The following PPARGC1A variants were observed in gnomAD, a reference collection of about 807,000 sequenced individuals.
The protein encoded by PPARGC1A is peroxisome proliferator-activated receptor gamma coactivator 1-alpha.
PPARGC1A carries 25 observed loss-of-function variants against 88.7 expected under a neutral mutation model. That is an observed-to-expected ratio of 0.28 (90% CI 0.21 to 0.39). The LOEUF (loss-of-function observed/expected upper bound fraction) is 0.39, where lower values mean the gene tolerates loss of function less well. Ranked by LOEUF, PPARGC1A falls within the 10% of genes least tolerant of loss-of-function variation. The pLI, the probability that PPARGC1A is intolerant of heterozygous loss-of-function variation, is 1.00. For missense variants in PPARGC1A, 880 were observed against 968.7 expected, an observed-to-expected ratio of 0.91 and a Z score of 1.22; for synonymous variants, 363 against 355.6, an observed-to-expected ratio of 1.02 and a Z score of -0.24.
At chr4:23,988,345 C>T in the PPARGC1A span, among the ~76,000 whole-genome samples, 1 of 152,006 alleles carries the variant, frequency 6.6e-6, no homozygotes, top group Non-Finnish European at 1.5e-5. Flanking sequence ...AGTTCTAGAT[C>T]CTTGAGGAAT....
At chr4:24,078,190 C>T in the PPARGC1A span, among the ~76,000 whole-genome samples, 4 of 151,942 alleles carry the variant, frequency 2.6e-5, no homozygotes, top group Non-Finnish European at 5.9e-5. Context: ...AAGAGTAACA[C>T]ATCCAAGGCT....
chr4:24,101,297 C>T, the PPARGC1A span, among the ~76,000 whole-genome samples: 1 of 152,216 alleles, frequency 6.6e-6, no homozygotes, highest in Non-Finnish European at 1.5e-5. Context: ...CCTGCGCCTT[C>T]TGCCATGATT....
At chr4:24,096,128 G>A in the PPARGC1A span, among the ~76,000 whole-genome samples, 2 of 152,100 alleles carry the variant, frequency 1.3e-5, no homozygotes, top group African/African-American at 2.4e-5. Flanking sequence ...GAGATCTGAT[G>A]GTTTAAAAGT....
chr4:23,844,786 A>T (rs12644068), intron 2 of PPARGC1A, among the ~76,000 whole-genome samples: 3,775 of 19,612 alleles, frequency 0.19, 179 homozygotes, highest in African/African-American at 0.25. Context: ...TATATATTAT[A>T]ATAATATATG....
At chr4:24,032,644 T>C in the PPARGC1A span, among the ~76,000 whole-genome samples, 1 of 152,192 alleles carries the variant, frequency 6.6e-6, no homozygotes, top group Non-Finnish European at 1.5e-5. Flanking sequence ...AGCTTCTCCT[T>C]TGGGGCCAAG....
chr4:24,222,498 C>G, the PPARGC1A span, among the ~76,000 whole-genome samples: 1 of 152,148 alleles, frequency 6.6e-6, no homozygotes, highest in Non-Finnish European at 1.5e-5. Context: ...CAGCAAATGG[C>G]CAATGCCACA....
chr4:23,829,280 A>T (rs1724566964), intron 4 of PPARGC1A, among the ~76,000 whole-genome samples, 183 bp downstream of exon 4: 1 of 152,334 alleles, frequency 6.6e-6, no homozygotes, highest in South Asian at 2.1e-4. Context: ...TGCGTAAATG[A>T]ACTCTGCCTA....
chr4:24,044,410 G>C, the PPARGC1A span, among the ~76,000 whole-genome samples: 1 of 152,038 alleles, frequency 6.6e-6, no homozygotes, highest in South Asian at 2.1e-4. Context: ...AAAAGTATTA[G>C]GAAATACAGC....
chr4:24,221,394 G>GA, the PPARGC1A span, among the ~76,000 whole-genome samples: 1 of 152,098 alleles, frequency 6.6e-6, no homozygotes, highest in Non-Finnish European at 1.5e-5. Context: ...TATACCTGAG[G>GA]AAATTAGACA....
the PPARGC1A span, among the ~76,000 whole-genome samples, chr4:24,068,735 G>A: frequency 6.6e-6 from 1 of 152,182 alleles, no homozygotes; most frequent in African/African-American, 2.4e-5. Context: ...ACAGACTGAT[G>A]AAATAAGTCT....
the PPARGC1A span, among the ~76,000 whole-genome samples, chr4:24,311,655 A>C: frequency 6.6e-6 from 1 of 151,884 alleles, no homozygotes; most frequent in Non-Finnish European, 1.5e-5. Context: ...AAATAATAAT[A>C]ATTCTTTTCT....
the PPARGC1A span, among the ~76,000 whole-genome samples, chr4:24,208,675 GA>G: frequency 1.6e-5 from 2 of 126,108 alleles, no homozygotes; most frequent in South Asian, 2.8e-4. Flanking sequence ...ACCAAACTCA[GA>G]AAAAAAATAT....
chr4:24,250,194 C>T, the PPARGC1A span, among the ~76,000 whole-genome samples: 4 of 152,206 alleles, frequency 2.6e-5, no homozygotes, highest in African/African-American at 9.6e-5. Context: ...CACCCAGGCT[C>T]GAGGAACTCT....
chr4:24,228,413 C>T, the PPARGC1A span, among the ~76,000 whole-genome samples: 1 of 152,146 alleles, frequency 6.6e-6, no homozygotes, highest in African/African-American at 2.4e-5. Context: ...AATACCAGAT[C>T]TTCTCTCTTA....
chr4:23,982,097 C>A, the PPARGC1A span, among the ~76,000 whole-genome samples: 5 of 152,100 alleles, frequency 3.3e-5, no homozygotes, highest in Non-Finnish European at 7.4e-5. Context: ...CCACTCCTAC[C>A]CATAAGCAAA....
At chr4:23,933,167 A>C in the PPARGC1A span, among the ~76,000 whole-genome samples, 1 of 152,164 alleles carries the variant, frequency 6.6e-6, no homozygotes, top group East Asian at 1.9e-4. Flanking sequence ...CCTTTCCAGA[A>C]GCCAGGCGGA....
At chr4:24,212,569 T>C in the PPARGC1A span, among the ~76,000 whole-genome samples, 1 of 152,202 alleles carries the variant, frequency 6.6e-6, no homozygotes, top group Non-Finnish European at 1.5e-5. Flanking sequence ...TGGTATACTC[T>C]CAAAAATGGC....
the PPARGC1A span, among the ~76,000 whole-genome samples, chr4:24,287,231 A>T: frequency 6.6e-6 from 1 of 151,806 alleles, no homozygotes; most frequent in Non-Finnish European, 1.5e-5. Flanking sequence ...GTATCCAGAC[A>T]TTGCCAAATG....
the PPARGC1A span, among the ~76,000 whole-genome samples, chr4:23,923,594 T>C: frequency 6.6e-6 from 1 of 152,050 alleles, no homozygotes; most frequent in South Asian, 2.1e-4. Flanking sequence ...AATGAAATGA[T>C]TGCTAAAAAA....
Sources: gnomAD v4.1 joint callset for allele counts (sites outside exome capture counted in the v4.1 genomes callset) on GRCh38, gnomAD v4.1.1 for gene constraint, MANE v1.5 for transcripts, NCBI Gene and HGNC (gene_info 2026-07-23, HGNC 2026-07-21) for gene names.